AFF1: variants seen among roughly 807,000 people sequenced by gnomAD.
AFF1 encodes the protein ALF transcription elongation factor 1, also known as AF4/FMR2 family member 1.
AFF1 carries 48 observed loss-of-function variants against 121.7 expected under a neutral mutation model. The ratio of observed to expected loss-of-function variants is 0.39; its 90% CI spans 0.31 to 0.50. The LOEUF is 0.50. AFF1 is among the 20% of genes least tolerant of loss of function. The probability of loss-of-function intolerance (pLI) is 0.76; values close to 1 mark genes in which losing one functional copy is unlikely to be tolerated. For missense variants in AFF1, 1,523 were observed against 1,511.7 expected (o/e 1.01, Z -0.12); for synonymous variants, 613 against 563.0 (o/e 1.09, Z -1.26).
intron 2 of AFF1, among the ~76,000 whole-genome samples, chr4:87,042,816 G>T (rs1730290936): frequency 6.6e-6 from 1 of 152,218 alleles, no homozygotes. Context: ...TAGGAATTCT[G>T]TGAAAGAATG....
At chr4:87,080,262 A>G (rs942313689) in intron 4 of AFF1, among the ~76,000 whole-genome samples, 3 of 152,216 alleles carry the variant, frequency 2.0e-5, no homozygotes, top group Non-Finnish European at 4.4e-5. Flanking sequence ...TGTCTATACC[A>G]TTGAGGAAAG....
chr4:86,983,053 T>G (rs1221139990), intron 2 of AFF1, among the ~76,000 whole-genome samples: 4 of 152,020 alleles, frequency 2.6e-5, no homozygotes, highest in Non-Finnish European at 4.4e-5. Context: ...TTTTTAGTGT[T>G]TTGTTTTATA....
intron 2 of AFF1, among the ~76,000 whole-genome samples, chr4:86,958,022 A>G (rs1199090392): frequency 6.6e-6 from 1 of 151,458 alleles, no homozygotes; most frequent in Non-Finnish European, 1.5e-5. Flanking sequence ...CCCGTCTCAC[A>G]CCTAATAAAA....
intron 12 of AFF1, among the ~76,000 whole-genome samples, chr4:87,121,536 T>G (rs747452245): frequency 6.6e-6 from 1 of 152,208 alleles, no homozygotes; most frequent in Non-Finnish European, 1.5e-5. Flanking sequence ...GAAGCCTCTG[T>G]GGCTGTTCCA....
intron 2 of AFF1, among the ~76,000 whole-genome samples, chr4:86,963,409 A>G (rs937391364): frequency 6.6e-6 from 1 of 152,160 alleles, no homozygotes; most frequent in African/African-American, 2.4e-5. Context: ...GGGGATGGGA[A>G]GAAAAACTGG....
At chr4:86,998,603 TAACA>T (rs973076552) in intron 2 of AFF1, among the ~76,000 whole-genome samples, 11 of 152,226 alleles carry the variant, frequency 7.2e-5, no homozygotes, top group African/African-American at 2.4e-4. Context: ...AGTGGGATAC[TAACA>T]AACATACTGT....
At chr4:87,058,756 A>G (rs1720417271) in intron 4 of AFF1, among the ~76,000 whole-genome samples, 1 of 152,122 alleles carries the variant, frequency 6.6e-6, no homozygotes, top group African/African-American at 2.4e-5. Flanking sequence ...CTCCACAGCA[A>G]AAGCTCTGGA....
chr4:87,046,108 C>CA (rs1451643338), intron 2 of AFF1, 58 bp from the exon 3 acceptor site: 3 of 1,600,058 alleles, frequency 1.9e-6, no homozygotes, highest in African/African-American at 2.7e-5. Context: ...GTATGCCTGA[C>CA]AAAACTTGGA....
At chr4:87,048,280 T>G (rs1730927742) in intron 4 of AFF1, among the ~76,000 whole-genome samples, 2 of 152,194 alleles carry the variant, frequency 1.3e-5, no homozygotes, top group African/African-American at 2.4e-5. Flanking sequence ...TGTTATTCAA[T>G]TATGGGTTTT....
At chr4:86,988,895 C>T (rs568377926) in intron 2 of AFF1, among the ~76,000 whole-genome samples, 2 of 152,120 alleles carry the variant, frequency 1.3e-5, no homozygotes, top group Non-Finnish European at 2.9e-5. Context: ...ACATCTCCAA[C>T]CATCTTATCT....
intron 19 of AFF1, 42 bp from the exon 20 acceptor site, chr4:87,134,428 TG>T (rs1323202386): frequency 6.6e-7 from 1 of 1,510,514 alleles, no homozygotes; most frequent in Admixed American, 1.9e-5. Flanking sequence ...AGGGGTCTAC[TG>T]GTGACTGACT....
chr4:86,935,395 G>A (rs1302214402), intron 1 of AFF1, 155 bp downstream of exon 1: 1 of 152,252 alleles, frequency 6.6e-6, no homozygotes, highest in African/African-American at 2.4e-5. Flanking sequence ...CTTTTCCGGT[G>A]GGAGCCCTCG....
intron 2 of AFF1, among the ~76,000 whole-genome samples, chr4:86,951,019 T>C (rs1721263127): frequency 6.6e-6 from 1 of 152,184 alleles, no homozygotes; most frequent in Admixed American, 6.5e-5. Flanking sequence ...GTGGGACAGA[T>C]CTGGTCAACA....
chr4:87,140,037 G>T lies in AFF1; in HGVS notation c.*4336G>T, dbSNP rs1229320755. On this transcript the variant is annotated 3_prime_UTR_variant, in exon 21 of 21. Transcript: ENST00000395146. The stretch of plus-strand genomic sequence containing the variant: ...AGCAGGCACTGTACTGGGTAGAGAA[G>T]TGCCTATACTTCTCTACCTAAGAGG... The T allele has an allele frequency of 2.4e-5, 5 of 204,300 alleles. No individual in the cohort carries two copies. The highest frequency in any genetic ancestry group is 1.5e-4 in the East Asian group (2 of 13,556). 12.7% of individuals were successfully genotyped at this position (204,300 alleles called of 1,614,324 possible).
intron 2 of AFF1, among the ~76,000 whole-genome samples, chr4:87,012,882 C>G (rs1450960797): frequency 6.6e-6 from 1 of 152,132 alleles, no homozygotes. Flanking sequence ...CTTTTCTTAT[C>G]TGTTCACAGT....
chr4:87,006,494 C>CA (rs1726131351), intron 2 of AFF1, among the ~76,000 whole-genome samples: 1 of 152,066 alleles, frequency 6.6e-6, no homozygotes, highest in Admixed American at 6.5e-5. Flanking sequence ...ACGTGTAGTC[C>CA]AAAAAAGGCG....
At chr4:87,123,412 T>A (rs1272444562) in intron 12 of AFF1, among the ~76,000 whole-genome samples, 1 of 152,176 alleles carries the variant, frequency 6.6e-6, no homozygotes. Context: ...TGCAGGACAG[T>A]GAGAACTGAT....
intron 2 of AFF1, among the ~76,000 whole-genome samples, chr4:86,995,352 C>T (rs1481935024): frequency 6.8e-6 from 1 of 146,644 alleles, no homozygotes; most frequent in African/African-American, 2.6e-5. Context: ...CGGTCTCCCT[C>T]TGATGCCGAG....
In AFF1 at chr4:86,951,602, C is replaced by CTTTTTCT. The variant is rs1560497153; in HGVS notation, c.38+3044_38+3050dup. On this transcript the variant is annotated intron_variant, in intron 2 of 20. Coordinates refer to ENST00000395146, the MANE Select transcript of AFF1 (RefSeq NM_001166693.3). ...GGGGGATGTTAGGGAACTTTTTTTT[C>CTTTTTCT]TTTTTCTTTTTTCTTTTTTTCTTTT... Among the ~76,000 whole-genome samples, 404 of 115,400 alleles carry CTTTTTCT rather than the reference C, an allele frequency of 3.5e-3. 9 individuals are homozygous for CTTTTTCT. Among genetic ancestry groups the CTTTTTCT allele is most frequent in the African/African-American group, 0.014 (386 of 26,830 alleles). 75.7% of individuals were successfully genotyped at this position (115,400 alleles called of 152,430 possible). A position where few individuals can be genotyped will look rare whatever the true frequency, so the allele number is the denominator to read the frequency against.
Sources: gnomAD v4.1 joint callset for allele counts (sites outside exome capture counted in the v4.1 genomes callset) on GRCh38, gnomAD v4.1.1 for gene constraint, MANE v1.5 for transcripts, NCBI Gene and HGNC (gene_info 2026-07-23, HGNC 2026-07-21) for gene names.